ZNF470: variants seen among roughly 807,000 people sequenced by gnomAD.
The protein encoded by ZNF470 is chondrogenesis zinc finger protein 1.
A neutral mutation model predicts 13.9 loss-of-function variants in ZNF470; 13 were observed. The ratio of observed to expected loss-of-function variants is 0.94; its 90% CI spans 0.61 to 1.49. ZNF470 has a LOEUF of 1.49. Ranked by LOEUF, ZNF470 falls within the 40% of genes most tolerant of loss-of-function variation. The pLI, the probability that ZNF470 is intolerant of heterozygous loss-of-function variation, is 0.00. For missense variants in ZNF470, 929 were observed against 857.3 expected (o/e 1.08, Z -1.04); for synonymous variants, 293 against 282.9 (o/e 1.04, Z -0.36).
In ZNF470 at chr19:56,574,730, C is replaced by G. The variant is rs138416081; in HGVS notation, c.280C>G (p.Pro94Ala). 510 of 1,612,854 alleles carry G rather than the reference C, an allele frequency of 3.2e-4. 3 individuals carry two copies. Among genetic ancestry groups the G allele is most frequent in the Non-Finnish European group, 4.0e-4 (472 of 1,179,382 alleles). The change falls in exon 5 of 6, where the codon CCA (proline) becomes GCA (alanine). Residue 94 changes from proline to alanine, a missense_variant. Physicochemically the swap from Pro to Ala is conservative, Grantham distance 27 (BLOSUM62 -1). Transcript: ENST00000330619. ...IKGGMNRGLC[P>A]DLECVWVTKS... The stretch of plus-strand genomic sequence containing the variant: ...AGGAGGGATGAACAGAGGCCTGTGC[C>G]CAGGTAAGTGGAGGATACCTAGAGA...
At chr19:56,570,460 A>C in intron 3 of ZNF470, 89 bp downstream of exon 3, 2 of 1,325,626 alleles carry the variant, frequency 1.5e-6, no homozygotes, top group East Asian at 4.7e-5. Flanking sequence ...TATTGTGCTT[A>C]AGAGTTCCAC....
chr19:56,574,174 G>A lies in ZNF470; in HGVS notation c.61-220G>A, dbSNP rs1030302273. 5.7e-5 allele frequency: 44 copies of A among 765,400 alleles called. 1 individual carries two copies. The highest frequency in any genetic ancestry group is 3.9e-4 in the Admixed American group (18 of 45,772). The allele number at this position is 765,400 out of a possible 1,614,324, so 47.4% of individuals were successfully genotyped here. ...ACCTAGAATTGCAAATGTTTGAAGA[G>A]CAAGGAGTATCTCATTTTTTTCTTT... On this transcript the variant is annotated intron_variant, in intron 3 of 5. Coordinates refer to ENST00000330619, the MANE Select transcript of ZNF470 (RefSeq NM_001001668.4).
At position 56,573,695 on chromosome 19, in the gene ZNF470, T is replaced by G. The variant is rs146027595; in HGVS notation, c.61-699T>G. On this transcript the variant is annotated intron_variant, in intron 3 of 5. Coordinates refer to ENST00000330619, the MANE Select transcript of ZNF470 (RefSeq NM_001001668.4). ...GTTGGCTCAGGCCTATAATCCCAACTCTTTGGGAGGCTGAGGTGGGAGGAT... is the reference window on the plus strand; with the variant it reads ...GTTGGCTCAGGCCTATAATCCCAACGCTTTGGGAGGCTGAGGTGGGAGGAT... Among the ~76,000 whole-genome samples the G allele has an allele frequency of 1.1e-3, 166 of 152,256 alleles. 4 individuals are homozygous for G. In the East Asian group the frequency reaches 0.029, roughly 27 times the overall value.
rs1464339844 is a variant in ZNF470, at chr19:56,578,667, C to T, written c.*84C>T. On this transcript the variant is annotated 3_prime_UTR_variant, in exon 6 of 6. Coordinates refer to ENST00000330619, the MANE Select transcript of ZNF470 (RefSeq NM_001001668.4). ...ATCATAGTCCAAGACGCAACCATCT[C>T]ATCTGGATTTCTGCAGTAGCATAAC... 1.9e-5 allele frequency: 25 copies of T among 1,345,936 alleles called. No individual in the cohort carries two copies. The highest frequency in any genetic ancestry group is 2.0e-5 in the Non-Finnish European group (21 of 1,044,044). 83.4% of individuals were successfully genotyped at this position (1,345,936 alleles called of 1,614,324 possible). A position where few individuals can be genotyped will look rare whatever the true frequency, so the allele number is the denominator to read the frequency against.
chr19:56,578,429 A>G lies in ZNF470; in HGVS notation c.2000A>G (p.His667Arg), dbSNP rs1568496508. 1.9e-5 allele frequency: 30 copies of G among 1,612,522 alleles called. No individual in the cohort carries two copies. The East Asian group carries it at 4.9e-4, about 26-fold the overall frequency. The change falls in exon 6 of 6, where the codon CAT (histidine) becomes CGT (arginine). Residue 667 changes from histidine (H) to arginine (R), a missense_variant. His to Arg is a conservative substitution (Grantham distance 29, BLOSUM62 0). Transcript: ENST00000330619. ...AFSQVAHLTL[H>R]KRIHTGERPY... ...AGCCAGGTTGCCCATCTTACTCTAC[A>G]TAAGAGAATTCATACTGGAGAAAGG...
intron 3 of ZNF470, among the ~76,000 whole-genome samples, chr19:56,572,968 A>G (rs1433445694): frequency 2.0e-5 from 3 of 152,236 alleles, no homozygotes; most frequent in Admixed American, 2.0e-4. Context: ...GGGAAATATT[A>G]TATGTAAATA....
At chr19:56,573,032 G>A (rs894731956) in intron 3 of ZNF470, among the ~76,000 whole-genome samples, 3 of 152,158 alleles carry the variant, frequency 2.0e-5, no homozygotes, top group Non-Finnish European at 4.4e-5. Context: ...TAAAAACAAA[G>A]CTGATAGCTT....
chr19:56,569,078 G>A (rs1022157105), intron 2 of ZNF470, among the ~76,000 whole-genome samples, 195 bp downstream of exon 2: 1 of 152,134 alleles, frequency 6.6e-6, no homozygotes, highest in Non-Finnish European at 1.5e-5. Flanking sequence ...AGGATTAAAT[G>A]ACCTCATACA....
At chr19:56,568,954 T>C (rs1293072641) in intron 2 of ZNF470, 71 bp downstream of exon 2, 1 of 152,220 alleles carries the variant, frequency 6.6e-6, no homozygotes, top group Non-Finnish European at 1.5e-5. Context: ...AAATAGTTCA[T>C]ATGCCAGAAC....
At position 56,581,842 on chromosome 19, in the gene ZNF470, G is replaced by C; in HGVS notation, c.*3259G>C. 1 of 985,302 alleles carries C rather than the reference G, an allele frequency of 1.0e-6. No homozygotes were observed. Among genetic ancestry groups the C allele is most frequent in the Non-Finnish European group, 1.2e-6 (1 of 829,908 alleles). 61.0% of individuals were successfully genotyped at this position (985,302 alleles called of 1,614,324 possible). A position where few individuals can be genotyped will look rare whatever the true frequency, so the allele number is the denominator to read the frequency against. On this transcript the variant is annotated 3_prime_UTR_variant, in exon 6 of 6. Transcript: ENST00000330619. Reference sequence around the variant, plus strand: ...TAAAATTGTCTCTGAATTTCAAAAGGCATTTGGATCTGTGTCATCCAATGG... The same window carrying C: ...TAAAATTGTCTCTGAATTTCAAAAGCCATTTGGATCTGTGTCATCCAATGG...
Position 56,577,604 on chromosome 19 carries a change from C to G in ZNF470, c.1175C>G (p.Thr392Ser). ...ATACGTCATCGGCGATATTATCATA[C>G]TGGAGAGAAACCCTTTGACTGTATT... ...SLIRHRRYYHTGEKPFDCIDC... is the reference protein window; with the variant it reads ...SLIRHRRYYHSGEKPFDCIDC... The change falls in exon 6 of 6, where the codon ACT (threonine) becomes AGT (serine). Residue 392 changes from threonine to serine, a missense_variant. Coordinates refer to ENST00000330619, the MANE Select transcript of ZNF470 (RefSeq NM_001001668.4). 1 of 1,614,072 alleles carries G rather than the reference C, an allele frequency of 6.2e-7. No individual in the cohort carries two copies. Among genetic ancestry groups the G allele is most frequent in the African/African-American group, 1.3e-5 (1 of 75,034 alleles).
rs1209451676 is a variant in ZNF470 at position 56,568,048 on chromosome 19, A to G, written c.-159+10A>G. Reference sequence around the variant, plus strand: ...GGGACTGAGTACACAGGTAAGAGTGACAGATGACGGATGTGGCTGCCGGAG... The same window carrying G: ...GGGACTGAGTACACAGGTAAGAGTGGCAGATGACGGATGTGGCTGCCGGAG... On this transcript the variant is annotated intron_variant, in intron 1 of 5. Coordinates refer to ENST00000330619, the MANE Select transcript of ZNF470 (RefSeq NM_001001668.4). 3.0e-6 allele frequency: 3 copies of G among 985,782 alleles called. No individual in the cohort carries two copies. The highest frequency in any genetic ancestry group is 4.7e-5 in the South Asian group (1 of 21,296). The allele number at this position is 985,782 out of a possible 1,614,324, so 61.1% of individuals were successfully genotyped here. A position where few individuals can be genotyped will look rare whatever the true frequency, so the allele number is the denominator to read the frequency against.
Position 56,581,000 on chromosome 19 carries a change from T to G in ZNF470, c.*2417T>G. 1 of 985,142 alleles carries G rather than the reference T, an allele frequency of 1.0e-6. No individual in the cohort carries two copies. The highest frequency in any genetic ancestry group is 1.2e-6 in the Non-Finnish European group (1 of 829,684). 61.0% of individuals were successfully genotyped at this position (985,142 alleles called of 1,614,324 possible). A position where few individuals can be genotyped will look rare whatever the true frequency, so the allele number is the denominator to read the frequency against. On this transcript the variant is annotated 3_prime_UTR_variant, in exon 6 of 6. Coordinates refer to ENST00000330619, the MANE Select transcript of ZNF470 (RefSeq NM_001001668.4). ...AAAACAGAATAATATATATGTACCC[T>G]CGGTTTGAAATAGACTTTAAGCACT...
intron 3 of ZNF470, 69 bp downstream of exon 3, chr19:56,570,440 C>A: frequency 1.3e-6 from 2 of 1,485,488 alleles, no homozygotes; most frequent in Non-Finnish European, 1.9e-6. Flanking sequence ...TACTTGTTTT[C>A]TTCTGAAAAT....
In ZNF470 at chr19:56,578,715, A is replaced by G. The variant is rs1407902308; in HGVS notation, c.*132A>G. Reference sequence around the variant, plus strand: ...AACTGTTGCCCCTTTTGCTTCTATCAACTACATGTTTAACACTGTAGGCAG... The same window carrying G: ...AACTGTTGCCCCTTTTGCTTCTATCGACTACATGTTTAACACTGTAGGCAG... On this transcript the variant is annotated 3_prime_UTR_variant, in exon 6 of 6. Coordinates refer to ENST00000330619, the MANE Select transcript of ZNF470 (RefSeq NM_001001668.4). The G allele has an allele frequency of 1.8e-5, 24 of 1,309,574 alleles. No individual in the cohort carries two copies. Among genetic ancestry groups the G allele is most frequent in the East Asian group, 2.7e-5 (1 of 37,450 alleles). 81.1% of individuals were successfully genotyped at this position (1,309,574 alleles called of 1,614,324 possible). A position where few individuals can be genotyped will look rare whatever the true frequency, so the allele number is the denominator to read the frequency against.
At chr19:56,572,540 T>TC (rs562455039) in intron 3 of ZNF470, among the ~76,000 whole-genome samples, 2,582 of 84,602 alleles carry the variant, frequency 0.031, 109 homozygotes, top group African/African-American at 0.1. Flanking sequence ...AGACCCTGTC[T>TC]CAAAAAAAAA....
chr19:56,575,736 T>G (rs1230441979), intron 5 of ZNF470, among the ~76,000 whole-genome samples: 1 of 152,122 alleles, frequency 6.6e-6, no homozygotes, highest in African/African-American at 2.4e-5. Context: ...GCTTCTTGAG[T>G]AGCTAGGACT....
chr19:56,574,772 A>T lies in ZNF470; in HGVS notation c.283+39A>T, dbSNP rs181112021. On this transcript the variant is annotated intron_variant, in intron 5 of 5. Coordinates refer to ENST00000330619, the MANE Select transcript of ZNF470 (RefSeq NM_001001668.4). ...ACCTAGAGATAAAGGAACTGTTCTC[A>T]ACATGTTCTTGTCTCTGAAGTGTGT... is the stretch of plus-strand genomic sequence containing the variant. 1.1e-4 allele frequency: 165 copies of T among 1,562,924 alleles called. No individual in the cohort carries two copies. In the Admixed American group the frequency reaches 1.6e-3, roughly 16 times the overall value.
In ZNF470 at chr19:56,581,265, A is replaced by T. The variant is rs1018667310; in HGVS notation, c.*2682A>T. ...TGAAAATTATCCAATATCACTAGAAATCAAGAAATGCAAATTAAAGTGATT... is the reference window on the plus strand; with the variant it reads ...TGAAAATTATCCAATATCACTAGAATTCAAGAAATGCAAATTAAAGTGATT... On this transcript the variant is annotated 3_prime_UTR_variant, in exon 6 of 6. Coordinates refer to ENST00000330619, the MANE Select transcript of ZNF470 (RefSeq NM_001001668.4). The T allele has an allele frequency of 6.1e-6, 4 of 652,910 alleles. No individual in the cohort carries two copies. Among genetic ancestry groups the T allele is most frequent in the Non-Finnish European group, 7.6e-6 (4 of 526,984 alleles). 40.4% of individuals were successfully genotyped at this position (652,910 alleles called of 1,614,324 possible). A position where few individuals can be genotyped will look rare whatever the true frequency, so the allele number is the denominator to read the frequency against.
Sources: gnomAD v4.1 joint callset for allele counts (sites outside exome capture counted in the v4.1 genomes callset) on GRCh38, gnomAD v4.1.1 for gene constraint, MANE v1.5 for transcripts, NCBI Gene and HGNC (gene_info 2026-07-23, HGNC 2026-07-21) for gene names.